The following PTPRF variants were observed in gnomAD, a reference collection of about 807,000 sequenced individuals.
PTPRF encodes protein tyrosine phosphatase receptor type F, also known as receptor-type tyrosine-protein phosphatase F.
A neutral mutation model predicts 201.8 loss-of-function variants in PTPRF; 59 were observed. The ratio of observed to expected loss-of-function variants is 0.29; its 90% CI spans 0.24 to 0.36. The LOEUF (loss-of-function observed/expected upper bound fraction) is 0.36, where lower values mean the gene tolerates loss of function less well. Ranked by LOEUF, PTPRF falls within the 10% of genes least tolerant of loss-of-function variation. The pLI, the probability that PTPRF is intolerant of heterozygous loss-of-function variation, is 1.00. For missense variants in PTPRF, 2,132 were observed against 2,690.5 expected, an observed-to-expected ratio of 0.79 and a Z score of 4.59; for synonymous variants, 1,088 against 1,089.7, an observed-to-expected ratio of 1.00 and a Z score of 0.03.
chr1:43,594,032 A>G (rs1292779579), intron 11 of PTPRF, among the ~76,000 whole-genome samples: 2 of 152,196 alleles, frequency 1.3e-5, no homozygotes, highest in East Asian at 3.9e-4. Context: ...TACAGGTGCA[A>G]TGTCTGTCTG....
rs1644576415 is a variant in PTPRF at position 43,545,071 on chromosome 1, C to T, written c.-5C>T. On this transcript the variant is annotated 5_prime_UTR_variant, in exon 3 of 34. Transcript: ENST00000359947. Reference sequence around the variant, plus strand: ...CTGTGGCTGGCTGTGGAGCTAGAGCCCTGGATGGCCCCTGAGCCAGCCCCA... The same window carrying T: ...CTGTGGCTGGCTGTGGAGCTAGAGCTCTGGATGGCCCCTGAGCCAGCCCCA... 1 of 1,569,612 alleles carries T rather than the reference C, an allele frequency of 6.4e-7. No individual in the cohort carries two copies. The highest frequency in any genetic ancestry group is 2.4e-5 in the East Asian group (1 of 42,282).
chr1:43,591,944 A>G lies in PTPRF; in HGVS notation c.1664A>G (p.Gln555Arg), dbSNP rs1192271277. The G allele has an allele frequency of 1.9e-6, 3 of 1,613,610 alleles. No individual in the cohort carries two copies. Among genetic ancestry groups the G allele is most frequent in the Non-Finnish European group, 2.5e-6 (3 of 1,179,936 alleles). Residue 555 changes from glutamine (Q) to arginine (R), a missense_variant, in exon 10 of 34, where the codon CAA (glutamine) becomes CGA (arginine). Gln to Arg is a conservative substitution (Grantham distance 43). Coordinates refer to ENST00000359947, the MANE Select transcript of PTPRF (RefSeq NM_002840.5). ...TACTGGGCGGCAGAGGACGAAGACC[A>G]ACAGGTGTGCAGCGGGCAGAGAAGC... is the stretch of plus-strand genomic sequence containing the variant. ...LVYWAAEDED[Q>R]QHKVTFDPTS... is the part of the protein sequence containing the mutation.
At chr1:43,551,061 T>C (rs1645000813) in intron 3 of PTPRF, among the ~76,000 whole-genome samples, 1 of 152,254 alleles carries the variant, frequency 6.6e-6, no homozygotes. Context: ...TTGGAGGGTT[T>C]TGATAGGGCG....
At position 43,605,417 on chromosome 1, in the gene PTPRF, C is replaced by T; in HGVS notation, c.3363C>T (p.Pro1121=). The T allele has an allele frequency of 6.2e-7, 1 of 1,611,904 alleles. No homozygotes were observed. Among genetic ancestry groups the T allele is most frequent in the Non-Finnish European group, 8.5e-7 (1 of 1,178,198 alleles). ...IEDGRFDLSM[P]HVQDPSLVRW... Reference sequence around the variant, plus strand: ...ACGGCCGCTTCGATCTCTCCATGCCCCATGTGCAAGACCCCTCGCTTGTCA... The same window carrying T: ...ACGGCCGCTTCGATCTCTCCATGCCTCATGTGCAAGACCCCTCGCTTGTCA... Residue 1121 remains proline (P), a synonymous_variant, in exon 18 of 34, where the codon CCC becomes CCT. Transcript: ENST00000359947.
At chr1:43,621,030 C>T (rs1404819422) in intron 32 of PTPRF, 38 bp downstream of exon 32, 1 of 1,610,078 alleles carries the variant, frequency 6.2e-7, no homozygotes, top group South Asian at 1.1e-5. Context: ...GTGGGTGGGC[C>T]TGAAGGCCTG....
chr1:43,606,556 A>G (rs1165853553), intron 20 of PTPRF, 98 bp downstream of exon 20: 4 of 1,253,054 alleles, frequency 3.2e-6, no homozygotes, highest in African/African-American at 1.5e-5. Flanking sequence ...GGTCTTTATC[A>G]GTTTGGGGGC....
Position 43,603,666 on chromosome 1 carries a change from C to T in PTPRF, c.2514C>T (p.Leu838=), listed in dbSNP as rs1172220517. ...CCACGGCCATGAACACTGCGCTGCTCCAGTGGCACCCACCCAAGGAACTGC... is the reference window on the plus strand; with the variant it reads ...CCACGGCCATGAACACTGCGCTGCTTCAGTGGCACCCACCCAAGGAACTGC... ...ISTTAMNTAL[L]QWHPPKELPG... Residue 838 remains leucine (L), a synonymous_variant, in exon 16 of 34, where the codon CTC becomes CTT. Transcript: ENST00000359947. This position sits in a 1 kb window ranked among gnomAD's most constrained non-coding sequence, Gnocchi z 5.8. 3 of 1,613,644 alleles carry T rather than the reference C, an allele frequency of 1.9e-6. No homozygotes were observed. Among genetic ancestry groups the T allele is most frequent in the Non-Finnish European group, 1.7e-6 (2 of 1,180,010 alleles).
chr1:43,551,547 A>G (rs1440355562), intron 3 of PTPRF, among the ~76,000 whole-genome samples: 1 of 152,122 alleles, frequency 6.6e-6, no homozygotes, highest in Non-Finnish European at 1.5e-5. Flanking sequence ...CTCTAAGAAC[A>G]TAGTCAGTCC....
In PTPRF at chr1:43,612,840, C is replaced by G. The variant is rs749762482; in HGVS notation, c.3974-778C>G. 8.2e-6 allele frequency: 11 copies of G among 1,340,528 alleles called. No individual in the cohort carries two copies. The South Asian group carries it at 1.2e-4, about 14-fold the overall frequency. The allele number at this position is 1,340,528 out of a possible 1,614,324, so 83.0% of individuals were successfully genotyped here. ...TTCCCGTGTTTGGGGGATACTTTGG[C>G]TTCTGTGTCTGTTTCCACTCCTTAC... On this transcript the variant is annotated intron_variant, in intron 22 of 33. Coordinates refer to ENST00000359947, the MANE Select transcript of PTPRF (RefSeq NM_002840.5).
intron 6 of PTPRF, among the ~76,000 whole-genome samples, chr1:43,578,137 G>A (rs1647053453): frequency 6.6e-6 from 1 of 152,236 alleles, no homozygotes; most frequent in Non-Finnish European, 1.5e-5. Context: ...TGGCCCGAGT[G>A]AGAGCTCCAA....
upstream of PTPRF, among the ~76,000 whole-genome samples, chr1:43,522,188 G>A (rs117778879): frequency 4.6e-5 from 7 of 152,126 alleles, no homozygotes; most frequent in Non-Finnish European, 7.3e-5. Context: ...TCATCTCAGG[G>A]TCTTCTTCTG....
At chr1:43,524,502 A>G (rs1294924094), upstream of PTPRF, among the ~76,000 whole-genome samples, 1 of 152,204 alleles carries the variant, frequency 6.6e-6, no homozygotes, top group Admixed American at 6.5e-5. Flanking sequence ...TCTACAAAAA[A>G]TAAAATAAAT....
Position 43,569,578 on chromosome 1 carries a change from G to T in PTPRF, c.380-12G>T. The T allele has an allele frequency of 6.3e-7, 1 of 1,592,062 alleles. No homozygotes were observed. The highest frequency in any genetic ancestry group is 8.6e-7 in the Non-Finnish European group (1 of 1,166,878). ...AGCCAGCCCTAATACACACATTGCT[G>T]TTTGTCTGCAGAGGAACAGCTGCCC... On this transcript the variant is annotated splice_polypyrimidine_tract_variant and intron_variant, in intron 5 of 33. Coordinates refer to ENST00000359947, the MANE Select transcript of PTPRF (RefSeq NM_002840.5).
At chr1:43,533,100 T>G (rs1277511519) in intron 1 of PTPRF, among the ~76,000 whole-genome samples, 3 of 152,232 alleles carry the variant, frequency 2.0e-5, no homozygotes, top group Non-Finnish European at 4.4e-5. Flanking sequence ...TTTAGTTTCC[T>G]TTATAGTTTC....
At chr1:43,544,826 G>T (rs1187135543) in intron 2 of PTPRF, among the ~76,000 whole-genome samples, 1 of 151,924 alleles carries the variant, frequency 6.6e-6, no homozygotes, top group East Asian at 1.9e-4. Context: ...CTGTCCTTGT[G>T]GGTGCTGGGG....
At chr1:43,558,358 T>A (rs547220138) in intron 5 of PTPRF, among the ~76,000 whole-genome samples, 2 of 152,114 alleles carry the variant, frequency 1.3e-5, no homozygotes, top group African/African-American at 4.8e-5. Context: ...CTGCTGTGGC[T>A]CCAGGGCCAC....
At position 43,598,016 on chromosome 1, in the gene PTPRF, C is replaced by T. The variant is rs750276955; in HGVS notation, c.2082C>T (p.Pro694=). Residue 694 remains proline, a synonymous_variant, in exon 12 of 34, where the codon CCC becomes CCT. Transcript: ENST00000359947. ...VRAHTDVGPG[P]ESSPVLVRTD... ...CACACACAGACGTGGGCCCCGGCCCCGAGAGCAGCCCGGTGCTGGTGCGCA... is the reference window on the plus strand; with the variant it reads ...CACACACAGACGTGGGCCCCGGCCCTGAGAGCAGCCCGGTGCTGGTGCGCA... 2.6e-5 allele frequency: 39 copies of T among 1,517,582 alleles called. No individual in the cohort carries two copies. Among genetic ancestry groups the T allele is most frequent in the African/African-American group, 2.5e-4 (18 of 72,550 alleles). 94.0% of individuals were successfully genotyped at this position (1,517,582 alleles called of 1,614,324 possible). A position where few individuals can be genotyped will look rare whatever the true frequency, so the allele number is the denominator to read the frequency against.
intron 1 of PTPRF, 42 bp from the exon 2 acceptor site, chr1:43,538,156 A>T (rs1051139847): frequency 2.5e-6 from 1 of 398,436 alleles, no homozygotes; most frequent in Admixed American, 4.4e-5. Context: ...TGCTGTTGTG[A>T]TGAAATTCTT....
chr1:43,560,772 T>G (rs929832615), intron 5 of PTPRF, among the ~76,000 whole-genome samples: 3 of 152,114 alleles, frequency 2.0e-5, no homozygotes, highest in African/African-American at 7.2e-5. Context: ...GGAGGTGGGG[T>G]GCACCAGATA....
Sources: allele counts gnomAD v4.1 joint callset (sites outside exome capture counted in the v4.1 genomes callset), GRCh38; gene constraint gnomAD v4.1.1; non-coding constraint Gnocchi (gnomAD v3.1); transcripts MANE v1.5; gene names NCBI Gene and HGNC (gene_info 2026-07-23, HGNC 2026-07-21).